The following TG variants were observed in gnomAD, a reference collection of about 807,000 sequenced individuals.
TG encodes the protein thyroglobulin, also known as thyroid hormones.
A neutral mutation model predicts 324.7 loss-of-function variants in TG; 270 were observed. The ratio of observed to expected loss-of-function variants is 0.83; its 90% CI spans 0.75 to 0.92. The LOEUF (loss-of-function observed/expected upper bound fraction) is 0.92. Ranked by LOEUF, TG falls within the 40% of genes least tolerant of loss-of-function variation. TG has a pLI of 0.00. For synonymous variants in TG, 1,401 were observed against 1,327.0 expected, an observed-to-expected ratio of 1.06 and a Z score of -1.21; for missense variants, 3,591 against 3,456.4, an observed-to-expected ratio of 1.04 and a Z score of -0.98.
intron 41 of TG, among the ~76,000 whole-genome samples, chr8:133,042,876 T>C (rs903329038): frequency 6.6e-6 from 1 of 151,676 alleles, no homozygotes; most frequent in Non-Finnish European, 1.5e-5. Context: ...GTATTTTTAG[T>C]GCAGACAGGG....
At chr8:132,964,485 C>T in intron 29 of TG, 1 of 163,980 alleles carries the variant, frequency 6.1e-6, no homozygotes, top group Non-Finnish European at 1.3e-5. Context: ...TCTCAGGGTC[C>T]ATGAGAATGG....
chr8:132,928,603 A>G (rs769816650), intron 22 of TG, among the ~76,000 whole-genome samples: 13 of 152,172 alleles, frequency 8.5e-5, no homozygotes, highest in Non-Finnish European at 1.5e-4. Context: ...ACCAATCTTA[A>G]AAATGCCTGA....
chr8:132,951,357 G>A (rs760041490), intron 27 of TG, among the ~76,000 whole-genome samples: 31 of 152,102 alleles, frequency 2.0e-4, no homozygotes, highest in Admixed American at 9.8e-4. Flanking sequence ...TTCTTTTGGC[G>A]TCAATAAAAT....
At chr8:133,094,034 T>A (rs1848014726) in intron 41 of TG, among the ~76,000 whole-genome samples, 1 of 152,092 alleles carries the variant, frequency 6.6e-6, no homozygotes, top group African/African-American at 2.4e-5. Context: ...TGGTTACCCA[T>A]GACTCTTCAG....
chr8:133,044,953 T>C, intron 41 of TG: 1 of 1,612,316 alleles, frequency 6.2e-7, no homozygotes, highest in Admixed American at 1.7e-5. Flanking sequence ...GGTCCCACCA[T>C]CACAATCACT....
At chr8:133,066,894 C>T (rs1228692234) in intron 41 of TG, among the ~76,000 whole-genome samples, 1 of 152,162 alleles carries the variant, frequency 6.6e-6, no homozygotes, top group African/African-American at 2.4e-5. Flanking sequence ...GGCTAACTCA[C>T]TGTGCAAGCT....
At chr8:133,045,387 C>CTTTTTT (rs5895172) in intron 41 of TG, among the ~76,000 whole-genome samples, 272 of 65,880 alleles carry the variant, frequency 4.1e-3, no homozygotes, top group Middle Eastern at 0.028. Context: ...ATCCTCTTTG[C>CTTTTTT]TTTTTTTTTT....
In TG at chr8:133,134,812, C is replaced by G. The variant is rs781695424; in HGVS notation, c.*18C>G. 3.7e-6 allele frequency: 6 copies of G among 1,604,488 alleles called. No homozygotes were observed. In the African/African-American group the frequency reaches 8.0e-5, roughly 21 times the overall value. On this transcript the variant is annotated 3_prime_UTR_variant, in exon 48 of 48. Transcript: ENST00000220616. ...GCAAGTGACCAGCCCTTGAGCTCCC[C>G]AAAAACCTCACCCGAGGCTGCCCAC...
chr8:133,088,849 A>C (rs560981328), intron 41 of TG, among the ~76,000 whole-genome samples: 1 of 152,368 alleles, frequency 6.6e-6, no homozygotes, highest in African/African-American at 2.4e-5. Context: ...AGTGTTACAA[A>C]TAAGAGTAAA....
chr8:133,102,890 G>A (rs1849442614), intron 43 of TG: 2 of 334,124 alleles, frequency 6.0e-6, no homozygotes, highest in Admixed American at 4.1e-5. Context: ...AGCAGGTGGA[G>A]TGGGGGCCCT....
chr8:133,065,411 C>G (rs942614255), intron 41 of TG, among the ~76,000 whole-genome samples: 1 of 152,214 alleles, frequency 6.6e-6, no homozygotes, highest in Admixed American at 6.5e-5. Context: ...GTTTTGCTGT[C>G]CTCTGACAGA....
At chr8:133,110,474 A>G (rs1270702947) in intron 43 of TG, among the ~76,000 whole-genome samples, 1 of 152,234 alleles carries the variant, frequency 6.6e-6, no homozygotes, top group African/African-American at 2.4e-5. Context: ...TAGCATAGAA[A>G]TAAAAGCAAG....
intron 41 of TG, among the ~76,000 whole-genome samples, chr8:133,034,036 G>A (rs1438596386): frequency 1.3e-5 from 2 of 152,094 alleles, no homozygotes; most frequent in Non-Finnish European, 2.9e-5. Flanking sequence ...GTTCTCTATC[G>A]TTTTTGCAGT....
chr8:132,883,757 A>G (rs1055467783), intron 8 of TG, among the ~76,000 whole-genome samples: 3 of 152,322 alleles, frequency 2.0e-5, no homozygotes, highest in South Asian at 4.1e-4. Flanking sequence ...TCCGGAGGCA[A>G]CGGGGCTAAT....
chr8:133,091,106 G>C (rs1042806812), intron 41 of TG, among the ~76,000 whole-genome samples: 1 of 152,220 alleles, frequency 6.6e-6, no homozygotes, highest in African/African-American at 2.4e-5. Flanking sequence ...GCTTCTACAC[G>C]TACAGCCCAC....
chr8:133,095,535 G>A (rs1041534068), intron 42 of TG, among the ~76,000 whole-genome samples: 5 of 152,218 alleles, frequency 3.3e-5, no homozygotes, highest in African/African-American at 7.2e-5. Context: ...CTCCAGGACC[G>A]TGGTGGGCAG....
intron 33 of TG, 90 bp downstream of exon 33, chr8:132,971,963 C>T: frequency 1.1e-6 from 1 of 936,752 alleles, no homozygotes; most frequent in South Asian, 1.3e-5. Flanking sequence ...AAATCCTCAG[C>T]ATCTCCTATC....
intron 41 of TG, among the ~76,000 whole-genome samples, chr8:133,035,143 A>G (rs111875732): frequency 0.015 from 2,300 of 152,172 alleles, 26 homozygotes; most frequent in Non-Finnish European, 0.021. Flanking sequence ...CATTACTTTC[A>G]TTCTTTGTTT....
At chr8:133,033,336 C>T (rs765758979) in intron 41 of TG, among the ~76,000 whole-genome samples, 1 of 152,162 alleles carries the variant, frequency 6.6e-6, no homozygotes, top group Non-Finnish European at 1.5e-5. Context: ...TAGGGTATTT[C>T]ACCCGTCCTG....
Sources: allele counts gnomAD v4.1 joint callset (sites outside exome capture counted in the v4.1 genomes callset), GRCh38; gene constraint gnomAD v4.1.1; transcripts MANE v1.5; gene names NCBI Gene and HGNC (gene_info 2026-07-23, HGNC 2026-07-21).